Variants in FGF10 observed in about 807,000 individuals in gnomAD.
FGF10 encodes fibroblast growth factor 10, also known as FGF-10.
A neutral mutation model predicts 19.8 loss-of-function variants in FGF10; 2 were observed. That is an observed-to-expected ratio of 0.10 (90% CI 0.04 to 0.32). FGF10 has a LOEUF of 0.32. Ranked by LOEUF, FGF10 falls within the 10% of genes least tolerant of loss-of-function variation. The pLI is 1.00. For missense variants in FGF10, 191 were observed against 246.3 expected, an observed-to-expected ratio of 0.78 and a Z score of 1.50; for synonymous variants, 112 against 94.0, an observed-to-expected ratio of 1.19 and a Z score of -1.10.
chr5:44,359,702 T>C lies in FGF10; in HGVS notation c.325+28656A>G, dbSNP rs540330275. On this transcript the variant is annotated intron_variant, in intron 1 of 2. Coordinates refer to ENST00000264664, the MANE Select transcript of FGF10 (RefSeq NM_004465.2). ...CCTTACTGGACTGGAAAATCTCTTT[T>C]TGAAAAATTCATATAAATTTATGGG... 7.9e-5 allele frequency among the ~76,000 whole-genome samples: 12 copies of C among 151,590 alleles called. No individual in the cohort carries two copies. The South Asian group carries it at 2.5e-3, about 31-fold the overall frequency.
chr5:44,373,252 CAT>C (rs1217568049), intron 1 of FGF10, among the ~76,000 whole-genome samples: 2 of 152,294 alleles, frequency 1.3e-5, no homozygotes, highest in East Asian at 1.9e-4. Flanking sequence ...CCATCCATCA[CAT>C]GTTTCATTTC....
intron 1 of FGF10, among the ~76,000 whole-genome samples, chr5:44,337,183 T>C (rs768290708): frequency 6.6e-6 from 1 of 152,048 alleles, no homozygotes; most frequent in Non-Finnish European, 1.5e-5. Flanking sequence ...GATCCCAATT[T>C]ATTTTGCAAA....
At chr5:44,349,727 A>G (rs190076609) in intron 1 of FGF10, among the ~76,000 whole-genome samples, 44 of 150,862 alleles carry the variant, frequency 2.9e-4, no homozygotes, top group African/African-American at 9.4e-4. Flanking sequence ...TAACTTAAAA[A>G]TTTTGAATAC....
intron 1 of FGF10, among the ~76,000 whole-genome samples, chr5:44,375,174 A>G (rs1248783936): frequency 6.6e-6 from 1 of 152,196 alleles, no homozygotes; most frequent in Non-Finnish European, 1.5e-5. Context: ...TATGCCAAAT[A>G]CTATCTTAAG....
At chr5:44,306,128 T>C (rs547163178) in intron 2 of FGF10, among the ~76,000 whole-genome samples, 1 of 152,310 alleles carries the variant, frequency 6.6e-6, no homozygotes, top group African/African-American at 2.4e-5. Context: ...GCCTCCGCAG[T>C]GCCTCACGCC....
intron 1 of FGF10, among the ~76,000 whole-genome samples, chr5:44,366,127 C>CCT (rs1554039043): frequency 4.0e-5 from 3 of 74,808 alleles, no homozygotes; most frequent in African/African-American, 1.5e-4. Flanking sequence ...CAATTATTTC[C>CCT]TTTTTTTTTT....
intron 1 of FGF10, among the ~76,000 whole-genome samples, chr5:44,343,614 C>A (rs978251802): frequency 2.6e-5 from 4 of 151,952 alleles, no homozygotes; most frequent in African/African-American, 9.7e-5. Context: ...AGGAAAATCT[C>A]AGTTTATTAC....
rs1314335849 is a variant in FGF10 at position 44,357,034 on chromosome 5, GATT to G, written c.325+31321_325+31323del. Among the ~76,000 whole-genome samples, 16 of 150,980 alleles carry G rather than the reference GATT, an allele frequency of 1.1e-4. No individual in the cohort carries two copies. The Admixed American group carries it at 1.1e-3, about 10-fold the overall frequency. The stretch of plus-strand genomic sequence containing the variant: ...AACTGCCAAAACTGTTTGAAAAAAA[GATT>G]ATTACAAAAAAAATATGTATGTGTA... On this transcript the variant is annotated intron_variant, in intron 1 of 2. Coordinates refer to ENST00000264664, the MANE Select transcript of FGF10 (RefSeq NM_004465.2).
intron 1 of FGF10, among the ~76,000 whole-genome samples, chr5:44,310,968 A>G (rs1374962): frequency 0.3 from 44,892 of 151,864 alleles, 6,798 homozygotes; most frequent in Admixed American, 0.4. Flanking sequence ...GATTACCTCA[A>G]TCTCTAAAAA....
intron 1 of FGF10, among the ~76,000 whole-genome samples, chr5:44,314,503 C>T (rs1181484908): frequency 6.6e-6 from 1 of 152,126 alleles, no homozygotes; most frequent in Non-Finnish European, 1.5e-5. Context: ...GTTCATATTA[C>T]TTTGCGAATG....
intron 1 of FGF10, among the ~76,000 whole-genome samples, chr5:44,324,036 T>C (rs1319146994): frequency 6.6e-6 from 1 of 152,104 alleles, no homozygotes; most frequent in Non-Finnish European, 1.5e-5. Flanking sequence ...CAAACAAGTG[T>C]TATTTCATAC....
intron 1 of FGF10, among the ~76,000 whole-genome samples, chr5:44,346,341 TA>T (rs915569758): frequency 7.3e-5 from 11 of 151,724 alleles, no homozygotes; most frequent in African/African-American, 2.4e-4. Flanking sequence ...TAAAGTGAAT[TA>T]AAAAAAACAA....
intron 1 of FGF10, among the ~76,000 whole-genome samples, chr5:44,359,013 C>T (rs2111847206): frequency 6.6e-6 from 1 of 151,622 alleles, no homozygotes; most frequent in African/African-American, 2.4e-5. Context: ...TGATGCAATA[C>T]ATATACGCTT....
At chr5:44,365,531 C>T (rs339501) in intron 1 of FGF10, among the ~76,000 whole-genome samples, 142,836 of 151,892 alleles carry the variant, frequency 0.94, 67,565 homozygotes, top group Non-Finnish European at 1. Context: ...ATGACTAACA[C>T]GTACAGTATG....
chr5:44,368,220 A>G (rs1173832937), intron 1 of FGF10, among the ~76,000 whole-genome samples: 1 of 152,108 alleles, frequency 6.6e-6, no homozygotes, highest in African/African-American at 2.4e-5. Flanking sequence ...TTCTATCTAT[A>G]ATCATAGTCA....
chr5:44,320,557 C>G (rs1740461343), intron 1 of FGF10, among the ~76,000 whole-genome samples: 1 of 152,170 alleles, frequency 6.6e-6, no homozygotes, highest in African/African-American at 2.4e-5. Context: ...TATGGGTTCA[C>G]TGCAACAGGT....
chr5:44,364,738 T>C (rs1252790664), intron 1 of FGF10, among the ~76,000 whole-genome samples: 1 of 151,882 alleles, frequency 6.6e-6, no homozygotes, highest in Admixed American at 6.6e-5. Flanking sequence ...GAAAACTAAA[T>C]AACATCATAC....
intron 1 of FGF10, among the ~76,000 whole-genome samples, chr5:44,325,502 T>C (rs1434931771): frequency 6.6e-6 from 1 of 151,978 alleles, no homozygotes; most frequent in Non-Finnish European, 1.5e-5. Flanking sequence ...CCAACAATGA[T>C]AGACTGGATT....
chr5:44,330,572 G>A (rs1377358262), intron 1 of FGF10, among the ~76,000 whole-genome samples: 1 of 152,164 alleles, frequency 6.6e-6, no homozygotes, highest in African/African-American at 2.4e-5. Context: ...ATAATTGAGA[G>A]CTATTCTTTT....
Sources: allele counts gnomAD v4.1 joint callset (sites outside exome capture counted in the v4.1 genomes callset), GRCh38; gene constraint gnomAD v4.1.1; transcripts MANE v1.5; gene names NCBI Gene and HGNC (gene_info 2026-07-23, HGNC 2026-07-21).